The following WDR54 variants were observed in gnomAD, a reference collection of about 807,000 sequenced individuals.
The protein encoded by WDR54 is WD repeat-containing protein 54.
A neutral mutation model predicts 44.1 loss-of-function variants in WDR54; 44 were observed. That is an observed-to-expected ratio of 1.00 (90% CI 0.78 to 1.28). The LOEUF (loss-of-function observed/expected upper bound fraction) is 1.28. WDR54 is among the 50% of genes most tolerant of loss of function. The probability of loss-of-function intolerance (pLI) is 0.00; values close to 1 mark genes in which losing one functional copy is unlikely to be tolerated. For synonymous variants in WDR54, 169 were observed against 169.8 expected (o/e 1.00, Z 0.04); for missense variants, 409 against 429.7 (o/e 0.95, Z 0.43).
intron 2 of WDR54, 103 bp downstream of exon 2, chr2:74,422,478 C>G: frequency 1.5e-6 from 2 of 1,305,780 alleles, no homozygotes; most frequent in Non-Finnish European, 2.1e-6. Context: ...CAGAATCTCC[C>G]CAGGCATGTC....
rs184068456 is a variant in WDR54 at position 74,423,310 on chromosome 2, G to T, written c.286-9G>T. On this transcript the variant is annotated splice_polypyrimidine_tract_variant and intron_variant, in intron 3 of 9. Coordinates refer to ENST00000348227, the MANE Select transcript of WDR54 (RefSeq NM_032118.4). ...GTTATGCCCCCTGGTTCTTGCCCCG[G>T]TCTTCCAGATGTACGAGTCCAATGG... 5.8e-4 allele frequency: 940 copies of T among 1,613,220 alleles called. 11 individuals are homozygous for T. In the Admixed American group the frequency reaches 0.013, roughly 22 times the overall value.
Position 74,424,934 on chromosome 2 carries a change from A to G in WDR54, c.594A>G (p.Ser198=). Residue 198 remains serine (S), a synonymous_variant, in exon 7 of 10, where the codon TCA becomes TCG. Coordinates refer to ENST00000348227, the MANE Select transcript of WDR54 (RefSeq NM_032118.4). ...CAGGCTTGCTGTGTGTCTGGCGGTC[A>G]GGGCCAGAATTCACATTATTGACCC... ...DDSGLLCVWR[S]GPEFTLLTRI... 6.2e-7 allele frequency: 1 copy of G among 1,614,228 alleles called. No individual in the cohort carries two copies. Among genetic ancestry groups the G allele is most frequent in the Non-Finnish European group, 8.5e-7 (1 of 1,180,034 alleles).
Position 74,422,212 on chromosome 2 carries a change from A to G in WDR54, c.59A>G (p.Asn20Ser). The change falls in exon 2 of 10, where the codon AAC becomes AGC. Residue 20 changes from asparagine to serine, a missense_variant. Transcript: ENST00000348227. ...GGCTCGGCCGCCGCCCTGTGCAACA[A>G]CCTCAGTGTGCTGCAGCTGCCGGCT... Reference protein sequence around the residue: ...LRGSAAALCNNLSVLQLPARN... With the variant: ...LRGSAAALCNSLSVLQLPARN... 4 of 1,614,090 alleles carry G rather than the reference A, an allele frequency of 2.5e-6. No individual in the cohort carries two copies. The highest frequency in any genetic ancestry group is 3.4e-6 in the Non-Finnish European group (4 of 1,180,020).
At chr2:74,422,000 C>T in intron 1 of WDR54, 153 bp from the exon 2 acceptor site, 2 of 752,096 alleles carry the variant, frequency 2.7e-6, no homozygotes, top group South Asian at 1.7e-5. Flanking sequence ...CTGTCTTGCT[C>T]CTCGAGACCC....
chr2:74,423,530 G>T lies in WDR54; in HGVS notation c.405G>T (p.Val135=). 1 of 1,613,880 alleles carries T rather than the reference G, an allele frequency of 6.2e-7. No individual in the cohort carries two copies. The highest frequency in any genetic ancestry group is 8.5e-7 in the Non-Finnish European group (1 of 1,179,846). ...CTGCCAGTGGCCACTTCATCTGTGT[G>T]GGTGAGGGAGCCAAGTGCAGGGCAT... ...GIAASGHFIC[V]GTWSGRVLVF... Residue 135 remains valine (V), a splice_region_variant and synonymous_variant, in exon 5 of 10, where the codon GTG becomes GTT. Coordinates refer to ENST00000348227, the MANE Select transcript of WDR54 (RefSeq NM_032118.4).
intron 2 of WDR54, 183 bp from the exon 3 acceptor site, chr2:74,422,687 G>A (rs62147431): frequency 1.6e-6 from 1 of 636,768 alleles, no homozygotes; most frequent in East Asian, 2.8e-5. Context: ...CAGCTACTTG[G>A]GTGGCTGAGG....
In WDR54 at chr2:74,423,839, C is replaced by T; in HGVS notation, c.407-16C>T. ...GGGTCAGGAAGTCATCACTGGAGTA[C>T]TGGTTCTGGATACAGGAACGTGGTC... is the stretch of plus-strand genomic sequence containing the variant. On this transcript the variant is annotated splice_polypyrimidine_tract_variant and intron_variant, in intron 5 of 9. Coordinates refer to ENST00000348227, the MANE Select transcript of WDR54 (RefSeq NM_032118.4). The T allele has an allele frequency of 6.2e-7, 1 of 1,613,278 alleles. No homozygotes were observed. The highest frequency in any genetic ancestry group is 8.5e-7 in the Non-Finnish European group (1 of 1,179,462).
chr2:74,423,146 C>A, intron 3 of WDR54, 173 bp from the exon 4 acceptor site: 1 of 881,534 alleles, frequency 1.1e-6, no homozygotes, highest in Non-Finnish European at 1.8e-6. Context: ...TATGTCCTTA[C>A]ACTATTAACT....
Position 74,425,506 on chromosome 2 carries a change from G to A in WDR54, c.873+15G>A, listed in dbSNP as rs779682969. ...GCTACATTGAGGTATGTGTCATGGG[G>A]TGGGTGGAATGGGGGGGCCCAAGCA... On this transcript the variant is annotated intron_variant, in intron 9 of 9. Transcript: ENST00000348227. 2.2e-5 allele frequency: 35 copies of A among 1,614,114 alleles called. No individual in the cohort carries two copies. In the South Asian group the frequency reaches 2.7e-4, roughly 13 times the overall value.
chr2:74,423,672 T>C, intron 5 of WDR54, 141 bp downstream of exon 5: 1 of 1,437,714 alleles, frequency 7.0e-7, no homozygotes, highest in Non-Finnish European at 9.6e-7. Context: ...CAGTAAACCA[T>C]GGAAGGGTTC....
At position 74,425,126 on chromosome 2, in the gene WDR54, T is replaced by A; in HGVS notation, c.687T>A (p.Tyr229Ter). The A allele has an allele frequency of 6.3e-7, 1 of 1,575,138 alleles. No homozygotes were observed. Among genetic ancestry groups the A allele is most frequent in the South Asian group, 1.2e-5 (1 of 84,202 alleles). Residue 229 changes from tyrosine to a stop codon, truncating the protein, a stop_gained, in exon 8 of 10, where the codon TAT (tyrosine) becomes TAA (stop). Transcript: ENST00000348227. LOFTEE classifies it high-confidence loss of function. ...GGCAGGGGATCATAGCAGCAGGCTATGGGAACGGACAAGTGCATCTATATG... is the reference window on the plus strand; with the variant it reads ...GGCAGGGGATCATAGCAGCAGGCTAAGGGAACGGACAAGTGCATCTATATG... ...QLWQGIIAAGYGNGQVHLYEA... is the reference protein window; with the variant it reads ...QLWQGIIAAG
chr2:74,425,480 G>T lies in WDR54; in HGVS notation c.862G>T (p.Gly288Cys), dbSNP rs1455659728. 1 of 1,614,110 alleles carries T rather than the reference G, an allele frequency of 6.2e-7. No individual in the cohort carries two copies. Among genetic ancestry groups the T allele is most frequent in the Non-Finnish European group, 8.5e-7 (1 of 1,180,048 alleles). ...IWKLSRNPES[G>C]YIEVEHCHGE... ...GAAGCTGAGCAGAAACCCAGAGAGTGGCTACATTGAGGTATGTGTCATGGG... is the reference window on the plus strand; with the variant it reads ...GAAGCTGAGCAGAAACCCAGAGAGTTGCTACATTGAGGTATGTGTCATGGG... The change falls in exon 9 of 10, where the codon GGC (glycine) becomes TGC (cysteine). Residue 288 changes from glycine (G) to cysteine (C), a missense_variant. Coordinates refer to ENST00000348227, the MANE Select transcript of WDR54 (RefSeq NM_032118.4).
rs370872607 is a variant in WDR54 at position 74,424,853 on chromosome 2, T to C, written c.535-22T>C. 1.9e-5 allele frequency: 30 copies of C among 1,613,456 alleles called. No individual in the cohort carries two copies. The African/African-American group carries it at 2.8e-4, about 15-fold the overall frequency. On this transcript the variant is annotated intron_variant, in intron 6 of 9. Coordinates refer to ENST00000348227, the MANE Select transcript of WDR54 (RefSeq NM_032118.4). ...CCATAGCAGGGGAGAAAGGGAAGGG[T>C]TGATCTTGCCTTTCCCTTCAGGATT...
intron 3 of WDR54, 190 bp downstream of exon 3, chr2:74,423,122 C>T: frequency 2.5e-6 from 2 of 815,708 alleles, no homozygotes; most frequent in African/African-American, 1.7e-5. Context: ...CAGTATCTGC[C>T]CCTTTACTAG....
intron 6 of WDR54, 102 bp downstream of exon 6, chr2:74,424,084 T>C (rs1476605675): frequency 1.4e-6 from 2 of 1,449,764 alleles, no homozygotes; most frequent in African/African-American, 2.8e-5. Flanking sequence ...TGGATGGCTT[T>C]GGGCAAATCT....
At position 74,423,384 on chromosome 2, in the gene WDR54, A is replaced by G; in HGVS notation, c.351A>G (p.Pro117=). ...CACTGGACTCTGGAGATGCCTCCCC[A>G]GGTACCTGCAGGACCAAGTGGGGTG... The part of the protein sequence containing the change: ...WHALDSGDAS[P]VQAVFARGIA... The change falls in exon 4 of 10, where the codon CCA becomes CCG. Residue 117 remains proline, a splice_region_variant and synonymous_variant. Transcript: ENST00000348227. 2 of 1,614,170 alleles carry G rather than the reference A, an allele frequency of 1.2e-6. No individual in the cohort carries two copies. The highest frequency in any genetic ancestry group is 1.7e-6 in the Non-Finnish European group (2 of 1,180,018).
Position 74,425,145 on chromosome 2 carries a change from CTA to C in WDR54, c.710_711del (p.Tyr237Ter). ...AAGYGNGQVH[L>X]YEATTGNLHV... ...AGGCTATGGGAACGGACAAGTGCATCTATATGAGGCCACTACAGGAAATCTAC... is the reference window on the plus strand; with the variant it reads ...AGGCTATGGGAACGGACAAGTGCATCTATGAGGCCACTACAGGAAATCTAC... On this transcript the variant is annotated frameshift_variant, in exon 8 of 10. Transcript: ENST00000348227. LOFTEE classifies it high-confidence loss of function. 6.4e-7 allele frequency: 1 copy of C among 1,560,400 alleles called. No individual in the cohort carries two copies. Among genetic ancestry groups the C allele is most frequent in the South Asian group, 1.2e-5 (1 of 81,968 alleles).
At position 74,425,180 on chromosome 2, in the gene WDR54, G is replaced by A. The variant is rs774662674; in HGVS notation, c.741G>A (p.Gln247=). Residue 247 remains glutamine (Q), a synonymous_variant, in exon 8 of 10, where the codon CAG becomes CAA. Transcript: ENST00000348227. ...CCACTACAGGAAATCTACATGTCCA[G>A]ATCAATGCCCATGCCCGGGCCATCT... The part of the protein sequence containing the change: ...YEATTGNLHV[Q]INAHARAICA... 2.2e-5 allele frequency: 34 copies of A among 1,542,774 alleles called. 1 individual carries two copies. In the South Asian group the frequency reaches 4.2e-4, roughly 19 times the overall value.
chr2:74,422,026 C>T, intron 1 of WDR54, 127 bp from the exon 2 acceptor site: 7 of 984,966 alleles, frequency 7.1e-6, no homozygotes, highest in Non-Finnish European at 9.3e-6. Context: ...CATCACCGTC[C>T]TCTGGGCACC....
Sources: allele counts gnomAD v4.1 joint callset, GRCh38; gene constraint gnomAD v4.1.1; transcripts MANE v1.5; gene names NCBI Gene and HGNC (gene_info 2026-07-23, HGNC 2026-07-21).